Variants in ATP2B2 observed in about 807,000 individuals in gnomAD.
ATP2B2 encodes ATPase plasma membrane Ca2+ transporting 2.
A neutral mutation model predicts 120.0 loss-of-function variants in ATP2B2; 15 were observed. That is an observed-to-expected ratio of 0.12 (90% CI 0.08 to 0.19). The LOEUF (loss-of-function observed/expected upper bound fraction) is 0.19, where lower values mean the gene tolerates loss of function less well. Ranked by LOEUF, ATP2B2 falls within the 10% of genes least tolerant of loss-of-function variation. ATP2B2 has a pLI of 1.00. For synonymous variants in ATP2B2, 694 were observed against 700.3 expected (o/e 0.99, Z 0.14); for missense variants, 1,045 against 1,719.8 (o/e 0.61, Z 6.94).
At chr3:10,684,116 C>T (rs1039043215) in intron 1 of ATP2B2, among the ~76,000 whole-genome samples, 1 of 152,080 alleles carries the variant, frequency 6.6e-6, no homozygotes, top group Non-Finnish European at 1.5e-5. Flanking sequence ...GGGCAAGTGA[C>T]CCAGGTCTGG....
rs1575608530 is a variant in ATP2B2 at position 10,669,858 on chromosome 3, C to T, written c.-460+38057G>A. On this transcript the variant is annotated intron_variant, in intron 1 of 21. Transcript: ENST00000646379. ...GCTCTGTAAATTTGTGTGGGTTACC[C>T]GAGGTCAGTCCAGTTGGGAGAGATG... Among the ~76,000 whole-genome samples the T allele has an allele frequency of 3.3e-5, 5 of 152,108 alleles. No individual in the cohort carries two copies. In the South Asian group the frequency reaches 6.2e-4, roughly 19 times the overall value.
At chr3:10,563,022 G>A (rs1559460311) in intron 2 of ATP2B2, among the ~76,000 whole-genome samples, 1 of 152,134 alleles carries the variant, frequency 6.6e-6, no homozygotes, top group Admixed American at 6.5e-5. Flanking sequence ...TGATTCCCTA[G>A]TTAATTTCTT....
intron 1 of ATP2B2, among the ~76,000 whole-genome samples, chr3:10,484,827 G>A (rs2065573917): frequency 1.3e-5 from 2 of 152,240 alleles, no homozygotes; most frequent in Non-Finnish European, 1.5e-5. Context: ...GAAGCAATGA[G>A]TCTGTGTCCT....
At chr3:10,565,787 T>G (rs954665613) in intron 2 of ATP2B2, among the ~76,000 whole-genome samples, 2 of 152,176 alleles carry the variant, frequency 1.3e-5, no homozygotes, top group African/African-American at 4.8e-5. Context: ...ACAAACGTAA[T>G]ACAGTGATTA....
intron 2 of ATP2B2, among the ~76,000 whole-genome samples, chr3:10,558,594 C>T (rs1355331618): frequency 6.6e-6 from 1 of 152,076 alleles, no homozygotes; most frequent in Non-Finnish European, 1.5e-5. Flanking sequence ...TCCAGCTGTG[C>T]CTGAAGCCTG....
At position 10,338,163 on chromosome 3, in the gene ATP2B2, G is replaced by A. The variant is rs761329372; in HGVS notation, c.3420+13C>T. 2 of 1,613,738 alleles carry A rather than the reference G, an allele frequency of 1.2e-6. No homozygotes were observed. Among genetic ancestry groups the A allele is most frequent in the African/African-American group, 2.7e-5 (2 of 75,032 alleles). On this transcript the variant is annotated intron_variant, in intron 22 of 22. Transcript: ENST00000360273. ...GGCCAGGCCTGGGCCCAGCCCCCAA[G>A]AGCCTCCTGTACCTGTGTCTGGATC... is the stretch of plus-strand genomic sequence containing the variant.
At chr3:10,418,762 A>T (rs1288052576) in intron 2 of ATP2B2, among the ~76,000 whole-genome samples, 3 of 152,194 alleles carry the variant, frequency 2.0e-5, no homozygotes, top group Non-Finnish European at 4.4e-5. Flanking sequence ...CAAGAAAAAA[A>T]CCCAACAATA....
intron 2 of ATP2B2, among the ~76,000 whole-genome samples, chr3:10,547,873 C>T (rs2067586010): frequency 6.6e-6 from 1 of 152,226 alleles, no homozygotes; most frequent in Non-Finnish European, 1.5e-5. Flanking sequence ...TCCTATGCTA[C>T]AAAAATACTC....
intron 2 of ATP2B2, among the ~76,000 whole-genome samples, chr3:10,552,180 T>C (rs571649178): frequency 1.3e-5 from 2 of 152,340 alleles, no homozygotes; most frequent in South Asian, 2.1e-4. Context: ...TGGTGACTCA[T>C]AGCACTGGCG....
chr3:10,355,748 C>T (rs906317470), intron 14 of ATP2B2, among the ~76,000 whole-genome samples: 2 of 152,184 alleles, frequency 1.3e-5, no homozygotes, highest in African/African-American at 4.8e-5. Flanking sequence ...TCATCCTTGT[C>T]CTCGTCTGCT....
At chr3:10,668,148 G>A (rs373257343) in intron 1 of ATP2B2, among the ~76,000 whole-genome samples, 5 of 152,214 alleles carry the variant, frequency 3.3e-5, no homozygotes, top group South Asian at 2.1e-4. Context: ...GGAGGGCAAC[G>A]CGGGCAGCTC....
chr3:10,585,492 T>TGAAAAAAAAAA (rs2068487124), intron 2 of ATP2B2, among the ~76,000 whole-genome samples: 1 of 30,188 alleles, frequency 3.3e-5, no homozygotes, highest in Non-Finnish European at 5.1e-5. Flanking sequence ...AGACTCCGTC[T>TGAAAAAAAAAA]GAAAAAAAAA....
chr3:10,456,060 C>T (rs1196698936), intron 1 of ATP2B2, among the ~76,000 whole-genome samples: 1 of 151,772 alleles, frequency 6.6e-6, no homozygotes, highest in Non-Finnish European at 1.5e-5. Context: ...AATAAAAAGT[C>T]TTTGCCAGAA....
At chr3:10,661,150 G>A (rs989141480) in intron 1 of ATP2B2, among the ~76,000 whole-genome samples, 17 of 152,228 alleles carry the variant, frequency 1.1e-4, no homozygotes, top group African/African-American at 4.1e-4. Flanking sequence ...CATACTGAAT[G>A]GGCAAAAACT....
chr3:10,439,411 C>G (rs893246031), intron 2 of ATP2B2, among the ~76,000 whole-genome samples: 1 of 152,168 alleles, frequency 6.6e-6, no homozygotes, highest in African/African-American at 2.4e-5. Flanking sequence ...GACTGAGCAC[C>G]CTTTTCCTGC....
rs1244255629 is a variant in ATP2B2 at position 10,378,414 on chromosome 3, CA to C, written c.1043-5del. Reference sequence around the variant, plus strand: ...GCTGCCCCGTCCTGTTGTTTGGCTGCAGGGGGCAGATCACGCACGTGCATAC... The same window carrying C: ...GCTGCCCCGTCCTGTTGTTTGGCTGCGGGGGCAGATCACGCACGTGCATAC... On this transcript the variant is annotated splice_polypyrimidine_tract_variant and splice_region_variant and intron_variant, in intron 9 of 22. Coordinates refer to ENST00000360273, the MANE Select transcript of ATP2B2 (RefSeq NM_001001331.4). 6.2e-7 allele frequency: 1 copy of C among 1,600,408 alleles called. No homozygotes were observed. The highest frequency in any genetic ancestry group is 8.5e-7 in the Non-Finnish European group (1 of 1,179,972).
intron 18 of ATP2B2, 22 bp downstream of exon 18, chr3:10,345,362 G>A: frequency 1.2e-6 from 2 of 1,613,682 alleles, no homozygotes; most frequent in East Asian, 2.2e-5. Context: ...CCAGGCTTTG[G>A]TGTGGTCTCC....
chr3:10,519,523 A>G (rs1384379588), intron 3 of ATP2B2, among the ~76,000 whole-genome samples: 1 of 152,162 alleles, frequency 6.6e-6, no homozygotes, highest in Non-Finnish European at 1.5e-5. Context: ...ATCTGATGGT[A>G]CGTGAGAGGC....
intron 1 of ATP2B2, among the ~76,000 whole-genome samples, chr3:10,698,789 G>A (rs1192373588): frequency 6.6e-6 from 1 of 152,184 alleles, no homozygotes; most frequent in African/African-American, 2.4e-5. Context: ...TGAGGACAAC[G>A]GCTCCTTTTG....
Sources: gnomAD v4.1 joint callset for allele counts (sites outside exome capture counted in the v4.1 genomes callset) on GRCh38, gnomAD v4.1.1 for gene constraint, MANE v1.5 for transcripts, NCBI Gene and HGNC (gene_info 2026-07-23, HGNC 2026-07-21) for gene names.